The following ZFR2 variants were observed in gnomAD, a reference collection of about 807,000 sequenced individuals.
The protein encoded by ZFR2 is zinc finger RNA binding protein 2.
Under a neutral mutation model 105.7 loss-of-function variants are expected in ZFR2, and 104 were observed. The ratio of observed to expected loss-of-function variants is 0.98; its 90% CI spans 0.84 to 1.16. ZFR2 has a LOEUF of 1.16. Ranked by LOEUF, ZFR2 falls within the 50% of genes most tolerant of loss-of-function variation. The pLI is 0.00. For synonymous variants in ZFR2, 634 were observed against 597.7 expected, an observed-to-expected ratio of 1.06 and a Z score of -0.89; for missense variants, 1,425 against 1,355.5, an observed-to-expected ratio of 1.05 and a Z score of -0.80.
At chr19:3,812,037 G>A (rs975803256) in intron 14 of ZFR2, among the ~76,000 whole-genome samples, 7 of 152,142 alleles carry the variant, frequency 4.6e-5, no homozygotes, top group South Asian at 2.1e-4. Context: ...TCCGCCTCTC[G>A]GGTTCAAGTG....
At chr19:3,818,487 A>C (rs1455608291) in intron 12 of ZFR2, among the ~76,000 whole-genome samples, 2 of 152,134 alleles carry the variant, frequency 1.3e-5, no homozygotes, top group Non-Finnish European at 2.9e-5. Context: ...ACAAACAAAA[A>C]AACAACAACA....
intron 3 of ZFR2, among the ~76,000 whole-genome samples, chr19:3,833,366 G>A (rs190699423): frequency 6.6e-6 from 1 of 152,218 alleles, no homozygotes; most frequent in African/African-American, 2.4e-5. Flanking sequence ...CACGAGGTCA[G>A]GAGATGGAGA....
chr19:3,835,028 G>A, intron 1 of ZFR2, 45 bp from the exon 2 acceptor site: 1 of 1,562,382 alleles, frequency 6.4e-7, no homozygotes, highest in Non-Finnish European at 8.7e-7. Flanking sequence ...GTTAGAGCGA[G>A]TTCTCAGGTG....
rs1415760583 is a variant in ZFR2, at chr19:3,850,888, G to C, written c.54-15905C>G. 2.2e-5 allele frequency among the ~76,000 whole-genome samples: 3 copies of C among 137,060 alleles called. No homozygotes were observed. In the East Asian group the frequency reaches 6.5e-4, roughly 30 times the overall value. 89.9% of individuals were successfully genotyped at this position (137,060 alleles called of 152,430 possible). A position where few individuals can be genotyped will look rare whatever the true frequency, so the allele number is the denominator to read the frequency against. ...CCACTGCACTGCAACCTGGATGACA[G>C]GGCAGTCTTTTCAAAAAAAAAAAAA... On this transcript the variant is annotated intron_variant, in intron 1 of 18. Coordinates refer to ENST00000262961, the MANE Select transcript of ZFR2 (RefSeq NM_015174.2).
chr19:3,831,296 G>T lies in ZFR2; in HGVS notation c.852+7C>A. 6.6e-7 allele frequency: 1 copy of T among 1,515,724 alleles called. No homozygotes were observed. The highest frequency in any genetic ancestry group is 8.8e-7 in the Non-Finnish European group (1 of 1,130,780). 93.9% of individuals were successfully genotyped at this position (1,515,724 alleles called of 1,614,324 possible). On this transcript the variant is annotated splice_region_variant and intron_variant, in intron 5 of 18. Coordinates refer to ENST00000262961, the MANE Select transcript of ZFR2 (RefSeq NM_015174.2). Reference sequence around the variant, plus strand: ...TGGGGCCTGCCCATGGCAGGAGGGCGACTGACCTGGGGGCCAGCGCAGCTG... The same window carrying T: ...TGGGGCCTGCCCATGGCAGGAGGGCTACTGACCTGGGGGCCAGCGCAGCTG...
rs759324218 is a variant in ZFR2 at position 3,813,905 on chromosome 19, G to A, written c.2157C>T (p.Val719=). The change falls in exon 14 of 19, where the codon GTC becomes GTT. Residue 719 remains valine (V), a synonymous_variant. Coordinates refer to ENST00000262961, the MANE Select transcript of ZFR2 (RefSeq NM_015174.2). The surrounding 1 kb of genome is among the most constrained non-coding windows in gnomAD (Gnocchi z 4.4). ...EVSSDPEANI[V]ISSCEEPRMQ... Reference sequence around the variant, plus strand: ...TCCTGGGCTCCTCACAGGAGGAGATGACAATGTTGGCTTCAGGGTCGGAGG... The same window carrying A: ...TCCTGGGCTCCTCACAGGAGGAGATAACAATGTTGGCTTCAGGGTCGGAGG... 18 of 1,613,972 alleles carry A rather than the reference G, an allele frequency of 1.1e-5. No homozygotes were observed. The highest frequency in any genetic ancestry group is 1.5e-5 in the Non-Finnish European group (18 of 1,179,870).
chr19:3,827,257 T>G (rs1244081252), intron 6 of ZFR2, among the ~76,000 whole-genome samples: 1 of 152,050 alleles, frequency 6.6e-6, no homozygotes, highest in African/African-American at 2.4e-5. Flanking sequence ...AAAAAAATAA[T>G]AAAATGAAAA....
chr19:3,857,200 G>A (rs1298570696), intron 1 of ZFR2, among the ~76,000 whole-genome samples: 2 of 144,222 alleles, frequency 1.4e-5, no homozygotes, highest in Admixed American at 1.5e-4. Flanking sequence ...CGATTCTCCT[G>A]CCTCAGCCTC....
intron 7 of ZFR2, among the ~76,000 whole-genome samples, chr19:3,824,264 C>T (rs1286864991): frequency 6.6e-6 from 1 of 152,166 alleles, no homozygotes; most frequent in Non-Finnish European, 1.5e-5. Flanking sequence ...TGCACCTCTG[C>T]ACTCCAGCCC....
At chr19:3,856,800 G>A (rs574031763) in intron 1 of ZFR2, among the ~76,000 whole-genome samples, 10 of 152,170 alleles carry the variant, frequency 6.6e-5, no homozygotes, top group Middle Eastern at 3.4e-3. Context: ...GCGCCATCTC[G>A]GCTCACTGCA....
At chr19:3,821,238 C>G (rs2037888504) in intron 10 of ZFR2, 102 bp downstream of exon 10, 1 of 1,377,864 alleles carries the variant, frequency 7.3e-7, no homozygotes, top group Non-Finnish European at 9.5e-7. Flanking sequence ...CTCGAGAGCT[C>G]ACACGGAGGA....
At chr19:3,826,029 C>A (rs552246640) in intron 6 of ZFR2, among the ~76,000 whole-genome samples, 16 of 152,252 alleles carry the variant, frequency 1.1e-4, no homozygotes, top group African/African-American at 3.6e-4. Context: ...CTGTACCCCC[C>A]AACCCCACAA....
Position 3,821,344 on chromosome 19 carries a change from T to C in ZFR2, c.1627A>G (p.Arg543Gly). The C allele has an allele frequency of 6.3e-7, 1 of 1,592,502 alleles. No individual in the cohort carries two copies. Among genetic ancestry groups the C allele is most frequent in the Non-Finnish European group, 8.5e-7 (1 of 1,171,794 alleles). ...CCAAGACCCGCAGCCGGGCACCTCCTCTCCGCGTGCCAGCGCCGCAGCTGC... is the reference window on the plus strand; with the variant it reads ...CCAAGACCCGCAGCCGGGCACCTCCCCTCCGCGTGCCAGCGCCGCAGCTGC... The part of the protein sequence containing the change: ...LEQLRRWHAE[R>G]RRLEEEPPQD... Residue 543 changes from arginine to glycine, a missense_variant, in exon 10 of 19, where the codon AGG becomes GGG. Transcript: ENST00000262961.
intron 17 of ZFR2, among the ~76,000 whole-genome samples, chr19:3,808,186 T>C (rs2037723004): frequency 6.7e-6 from 1 of 150,186 alleles, no homozygotes; most frequent in Non-Finnish European, 1.5e-5. Flanking sequence ...TGCGTGTGCA[T>C]GCACGTGCCT....
intron 12 of ZFR2, among the ~76,000 whole-genome samples, chr19:3,817,570 A>ATG (rs1568419446): frequency 2.8e-5 from 3 of 108,580 alleles, no homozygotes; most frequent in African/African-American, 1.2e-4. Context: ...AAATAATGAT[A>ATG]ATAATAATAA....
At chr19:3,828,595 G>T (rs2037978623) in intron 5 of ZFR2, among the ~76,000 whole-genome samples, 1 of 152,218 alleles carries the variant, frequency 6.6e-6, no homozygotes, top group South Asian at 2.1e-4. Context: ...GCCACCGTGA[G>T]TCACAGGCCT....
intron 1 of ZFR2, among the ~76,000 whole-genome samples, chr19:3,854,934 AT>A (rs1381753596): frequency 6.6e-6 from 1 of 152,050 alleles, no homozygotes; most frequent in Admixed American, 6.6e-5. Flanking sequence ...TAATTTTTAA[AT>A]TTTTTGTAAA....
intron 1 of ZFR2, among the ~76,000 whole-genome samples, chr19:3,839,578 A>G (rs916207432): frequency 4.4e-4 from 57 of 129,058 alleles, no homozygotes; most frequent in African/African-American, 1.5e-3. Flanking sequence ...AAAAAAAAAA[A>G]GCAGAAAGCA....
chr19:3,855,475 G>A (rs1262644118), intron 1 of ZFR2: 1 of 1,230,102 alleles, frequency 8.1e-7, no homozygotes, highest in Non-Finnish European at 1.0e-6. Flanking sequence ...TACTTCCTGG[G>A]TGCTAGTGGG....
Sources: allele counts gnomAD v4.1 joint callset (sites outside exome capture counted in the v4.1 genomes callset), GRCh38; gene constraint gnomAD v4.1.1; non-coding constraint Gnocchi (gnomAD v3.1); transcripts MANE v1.5; gene names NCBI Gene and HGNC (gene_info 2026-07-23, HGNC 2026-07-21).